Variants in FAM156A observed in about 807,000 individuals in gnomAD.
FAM156A encodes the protein protein FAM156A/FAM156B.
chrX:52,987,127 C>T (rs1160204020), intron 1 of FAM156A, among the ~76,000 whole-genome samples: 7 of 111,573 alleles, frequency 6.3e-5, no homozygotes, highest in African/African-American at 2.3e-4. Context: ...GAAAACCTAA[C>T]AAAACATGTG....
rs782744600 is a variant in FAM156A at position 52,990,797 on chromosome X, GAAAGAAAAGAAAAGA to G, written c.-434+4494_-434+4508del. On this transcript the variant is annotated intron_variant, in intron 1 of 4. Transcript: ENST00000610625. The stretch of plus-strand genomic sequence containing the variant: ...AGACTGTCAAGAAAAGAAAAGAAAA[GAAAGAAAAGAAAAGA>G]AAAGAAAAGAAAAGAAAAGAAAAGA... Among the ~76,000 whole-genome samples, 629 of 69,591 alleles carry G rather than the reference GAAAGAAAAGAAAAGA, an allele frequency of 9.0e-3. 13 individuals carry two copies. The East Asian group carries it at 0.12, about 13-fold the overall frequency. The allele number at this position is 69,591 out of a possible 115,157, so 60.4% of individuals were successfully genotyped here. A position where few individuals can be genotyped will look rare whatever the true frequency, so the allele number is the denominator to read the frequency against.
chrX:52,981,970 C>T (rs973630287), intron 1 of FAM156A, among the ~76,000 whole-genome samples: 1 of 110,258 alleles, frequency 9.1e-6, no homozygotes, highest in East Asian at 2.8e-4. Flanking sequence ...GTGTACTAAT[C>T]TGAAATCAAA....
In FAM156A at chrX:52,984,888, C is replaced by CA. The variant is rs1174875093; in HGVS notation, c.-434+10417dup. Among the ~76,000 whole-genome samples the CA allele has an allele frequency of 6.3e-3, 583 of 92,311 alleles. 2 individuals are homozygous for CA. The highest frequency in any genetic ancestry group is 0.048 in the South Asian group (102 of 2,126). The allele number at this position is 92,311 out of a possible 115,157, so 80.2% of individuals were successfully genotyped here. ...TGTCTCAAAAAACAAAAAACAAAAA[C>CA]AAAAAAAAAAACACAAAAGCAAAAT... On this transcript the variant is annotated intron_variant, in intron 1 of 4. Coordinates refer to the FAM156A transcript ENST00000610625.
In FAM156A at chrX:52,973,728, T is replaced by C. The variant is rs1470874972; in HGVS notation, c.-433-9493A>G. Among the ~76,000 whole-genome samples the C allele has an allele frequency of 3.6e-5, 4 of 112,078 alleles. No individual in the cohort carries two copies. The East Asian group carries it at 1.1e-3, about 31-fold the overall frequency. ...CCCAGGCTGGAGTGCAGTGGCACGATCTCTGCTCACTGCAACCTCCGCCTT... is the reference window on the plus strand; with the variant it reads ...CCCAGGCTGGAGTGCAGTGGCACGACCTCTGCTCACTGCAACCTCCGCCTT... On this transcript the variant is annotated intron_variant, in intron 1 of 4. Coordinates refer to the FAM156A transcript ENST00000610625.
chrX:52,978,656 A>G (rs1804618976), intron 1 of FAM156A, among the ~76,000 whole-genome samples: 1 of 112,704 alleles, frequency 8.9e-6, no homozygotes, highest in South Asian at 3.6e-4. Flanking sequence ...CAGGCAATAG[A>G]TATTTGATTT....
At chrX:52,979,039 T>A (rs1290982154) in intron 1 of FAM156A, among the ~76,000 whole-genome samples, 3 of 111,639 alleles carry the variant, frequency 2.7e-5, no homozygotes, top group Non-Finnish European at 5.6e-5. Flanking sequence ...CCTTATTAAA[T>A]CCCTTTGGTA....
chrX:52,989,157 T>A (rs1276442482), intron 1 of FAM156A, among the ~76,000 whole-genome samples: 1 of 111,382 alleles, frequency 9.0e-6, no homozygotes, highest in African/African-American at 3.3e-5. Flanking sequence ...TAACTCACAG[T>A]GAGCTCACTG....
intron 1 of FAM156A, among the ~76,000 whole-genome samples, chrX:52,984,083 A>G (rs1260521879): frequency 9.0e-6 from 1 of 111,625 alleles, no homozygotes; most frequent in Non-Finnish European, 1.9e-5. Context: ...CAGTCAGCAT[A>G]TAGCTGGACT....
At chrX:52,983,665 A>C (rs1930064888) in intron 1 of FAM156A, among the ~76,000 whole-genome samples, 1 of 112,284 alleles carries the variant, frequency 8.9e-6, no homozygotes, top group Admixed American at 9.4e-5. Flanking sequence ...TACTTTTGTG[A>C]ATTCCCAGTC....
chrX:52,986,016 A>G (rs1025078815), intron 1 of FAM156A, among the ~76,000 whole-genome samples: 9 of 110,951 alleles, frequency 8.1e-5, no homozygotes, highest in Non-Finnish European at 1.5e-4. Context: ...AATCCAGTCT[A>G]TCATTGTTGG....
At chrX:52,974,752 A>G (rs1262218057) in intron 1 of FAM156A, among the ~76,000 whole-genome samples, 8 of 111,091 alleles carry the variant, frequency 7.2e-5, no homozygotes, top group African/African-American at 2.0e-4. Context: ...ACGGGAGCCC[A>G]GGGAGGTTGC....
At chrX:52,974,453 G>T (rs1929291448) in intron 1 of FAM156A, among the ~76,000 whole-genome samples, 1 of 111,907 alleles carries the variant, frequency 8.9e-6, no homozygotes, top group South Asian at 3.7e-4. Context: ...CATAGTTGAG[G>T]CTTGGCAAAT....
At position 52,985,143 on chromosome X, in the gene FAM156A, C is replaced by T. The variant is rs781978953; in HGVS notation, c.-434+10163G>A. Among the ~76,000 whole-genome samples, 4 of 109,728 alleles carry T rather than the reference C, an allele frequency of 3.6e-5. No individual in the cohort carries two copies. In the Admixed American group the frequency reaches 3.9e-4, roughly 11 times the overall value. ...GACACTTCACCAAAATAGCCCATATCTTGGGTCACAAAATAAATCTTCCCA... is the reference window on the plus strand; with the variant it reads ...GACACTTCACCAAAATAGCCCATATTTTGGGTCACAAAATAAATCTTCCCA... On this transcript the variant is annotated intron_variant, in intron 1 of 4. Transcript: ENST00000610625.
intron 1 of FAM156A, among the ~76,000 whole-genome samples, chrX:52,986,614 G>C (rs1448561394): frequency 9.1e-6 from 1 of 110,210 alleles, no homozygotes; most frequent in Non-Finnish European, 1.9e-5. Context: ...GGTCACAACA[G>C]TTGATACAGA....
chrX:52,979,097 T>C (rs1435992985), intron 1 of FAM156A, among the ~76,000 whole-genome samples: 1 of 111,654 alleles, frequency 9.0e-6, no homozygotes, highest in African/African-American at 3.3e-5. Flanking sequence ...AGGACAGACA[T>C]GAGGTTCAGA....
intron 1 of FAM156A, among the ~76,000 whole-genome samples, chrX:52,994,638 G>A (rs1931032484): frequency 9.0e-6 from 1 of 110,658 alleles, no homozygotes; most frequent in African/African-American, 3.3e-5. Flanking sequence ...CACCTACATA[G>A]AGCTCTCACA....
At chrX:52,987,028 A>G (rs1930342103) in intron 1 of FAM156A, among the ~76,000 whole-genome samples, 1 of 112,363 alleles carries the variant, frequency 8.9e-6, no homozygotes, top group African/African-American at 3.2e-5. Context: ...GTTCAACAAC[A>G]ACAAAAAGCA....
intron 1 of FAM156A, among the ~76,000 whole-genome samples, chrX:52,991,288 T>C (rs1930750090): frequency 9.0e-6 from 1 of 110,935 alleles, no homozygotes; most frequent in Non-Finnish European, 1.9e-5. Flanking sequence ...GCATAATTCA[T>C]GGAGTCTGAA....
intron 1 of FAM156A, among the ~76,000 whole-genome samples, chrX:52,977,055 C>A (rs1212374454): frequency 9.5e-6 from 1 of 104,727 alleles, no homozygotes; most frequent in Admixed American, 1.1e-4. Flanking sequence ...TATATACACA[C>A]ACATATATAC....
Sources: gnomAD v4.1 joint callset for allele counts (sites outside exome capture counted in the v4.1 genomes callset) on GRCh38, gnomAD v4.1.1 for gene constraint, MANE v1.5 for transcripts, NCBI Gene and HGNC (gene_info 2026-07-23, HGNC 2026-07-21) for gene names.